Variants in TCP11L2 observed in about 807,000 individuals in gnomAD.
The protein encoded by TCP11L2 is T-complex protein 11-like protein 2.
A neutral mutation model predicts 50.7 loss-of-function variants in TCP11L2; 39 were observed. The observed-to-expected ratio is 0.77, with a 90% CI of 0.60 to 1.01. TCP11L2 has a LOEUF of 1.01. TCP11L2 is among the 50% of genes least tolerant of loss of function. TCP11L2 has a pLI of 0.00. For missense variants in TCP11L2, 612 were observed against 614.7 expected, an observed-to-expected ratio of 1.00 and a Z score of 0.05; for synonymous variants, 192 against 219.3, an observed-to-expected ratio of 0.88 and a Z score of 1.10.
At chr12:106,307,732 A>G (rs2034688267) in intron 1 of TCP11L2, among the ~76,000 whole-genome samples, 1 of 152,218 alleles carries the variant, frequency 6.6e-6, no homozygotes, top group African/African-American at 2.4e-5. Flanking sequence ...GTTAACTACC[A>G]GCCTTGTTTG....
At chr12:106,306,876 G>A (rs779477066) in intron 1 of TCP11L2, among the ~76,000 whole-genome samples, 1 of 152,208 alleles carries the variant, frequency 6.6e-6, no homozygotes, top group Non-Finnish European at 1.5e-5. Flanking sequence ...CCTAGCTCCA[G>A]AGGCAATGTT....
chr12:106,328,596 G>A lies in TCP11L2; in HGVS notation c.772+4950G>A, dbSNP rs149235523. 2.5e-3 allele frequency among the ~76,000 whole-genome samples: 385 copies of A among 152,214 alleles called. 4 individuals are homozygous for A. The highest frequency in any genetic ancestry group is 8.8e-3 in the African/African-American group (366 of 41,550). On this transcript the variant is annotated intron_variant, in intron 6 of 9. Coordinates refer to ENST00000299045, the MANE Select transcript of TCP11L2 (RefSeq NM_152772.3). Reference sequence around the variant, plus strand: ...CAGTGGAGCTAGGACTGGAAACCAGGTCTCCCAAATCCAAGTCCAGATTAA... The same window carrying A: ...CAGTGGAGCTAGGACTGGAAACCAGATCTCCCAAATCCAAGTCCAGATTAA...
At chr12:106,340,193 T>C (rs2036050047) in intron 8 of TCP11L2, among the ~76,000 whole-genome samples, 2 of 152,208 alleles carry the variant, frequency 1.3e-5, no homozygotes, top group South Asian at 4.1e-4. Context: ...ACCCAACAAA[T>C]GCCTTTTCTA....
At chr12:106,312,227 CATTG>C in intron 2 of TCP11L2, 1 of 405,476 alleles carries the variant, frequency 2.5e-6, no homozygotes, top group East Asian at 7.3e-5. Flanking sequence ...TAAAATTAAC[CATTG>C]ATTAATCACT....
chr12:106,298,003 G>C (rs2034374417), upstream of TCP11L2, among the ~76,000 whole-genome samples: 3 of 152,228 alleles, frequency 2.0e-5, no homozygotes, highest in Admixed American at 1.3e-4. Flanking sequence ...GTGGGGTGTA[G>C]GGAGCACTAA....
At chr12:106,319,059 C>G (rs1423505616) in intron 4 of TCP11L2, among the ~76,000 whole-genome samples, 3 of 152,084 alleles carry the variant, frequency 2.0e-5, no homozygotes, top group Non-Finnish European at 2.9e-5. Flanking sequence ...CTACAGGCGC[C>G]CGCCACCGCG....
intron 6 of TCP11L2, among the ~76,000 whole-genome samples, chr12:106,326,526 A>T (rs1173792479): frequency 6.6e-6 from 1 of 152,204 alleles, no homozygotes; most frequent in Non-Finnish European, 1.5e-5. Context: ...AACATTTTGT[A>T]TGAGCACTTA....
rs566084964 is a variant in TCP11L2, at chr12:106,311,024, T to A, written c.-35-17T>A. On this transcript the variant is annotated splice_polypyrimidine_tract_variant and intron_variant, in intron 1 of 9. Transcript: ENST00000299045. ...AGTACCACAGAACATTGACGCAGGGTCTGTTTGTCTGTGCAGGTGCTACCT... is the reference window on the plus strand; with the variant it reads ...AGTACCACAGAACATTGACGCAGGGACTGTTTGTCTGTGCAGGTGCTACCT... 12 of 1,590,282 alleles carry A rather than the reference T, an allele frequency of 7.5e-6. No homozygotes were observed. In the East Asian group the frequency reaches 2.5e-4, roughly 33 times the overall value.
intron 8 of TCP11L2, among the ~76,000 whole-genome samples, chr12:106,337,558 C>T (rs1217302807): frequency 6.6e-6 from 1 of 152,166 alleles, no homozygotes; most frequent in Non-Finnish European, 1.5e-5. Context: ...TTAGGGAATA[C>T]CCAGTGCTGC....
chr12:106,306,557 C>G (rs1025281612), intron 1 of TCP11L2, among the ~76,000 whole-genome samples: 1 of 152,144 alleles, frequency 6.6e-6, no homozygotes, highest in African/African-American at 2.4e-5. Context: ...ATAGGATCCA[C>G]TCTAGGATCA....
At chr12:106,313,887 T>G in intron 2 of TCP11L2, among the ~76,000 whole-genome samples, 1 of 150,978 alleles carries the variant, frequency 6.6e-6, no homozygotes, top group Admixed American at 6.6e-5. Context: ...TGCCTCAGCC[T>G]TCCGAGTAGC....
At chr12:106,318,838 G>T (rs1201571366) in intron 4 of TCP11L2, among the ~76,000 whole-genome samples, 1 of 152,042 alleles carries the variant, frequency 6.6e-6, no homozygotes, top group South Asian at 2.1e-4. Flanking sequence ...AGCCTCCCAA[G>T]TATCTGGGAC....
rs776599297 is a variant in TCP11L2, at chr12:106,312,256, CA to C, written c.157+1025del. On this transcript the variant is annotated intron_variant, in intron 2 of 9. Coordinates refer to ENST00000299045, the MANE Select transcript of TCP11L2 (RefSeq NM_152772.3). ...GATTAATCACTGGACATTTAGTTTCCATTTTTTTTTTTTTTTTTTTTTGCTG... is the reference window on the plus strand; with the variant it reads ...GATTAATCACTGGACATTTAGTTTCCTTTTTTTTTTTTTTTTTTTTTGCTG... 4.1e-3 allele frequency: 1,293 copies of C among 313,808 alleles called. 7 individuals carry two copies. The highest frequency in any genetic ancestry group is 4.7e-3 in the Non-Finnish European group (819 of 175,236). The allele number at this position is 313,808 out of a possible 1,614,324, so 19.4% of individuals were successfully genotyped here.
intron 5 of TCP11L2, among the ~76,000 whole-genome samples, chr12:106,323,116 CTA>C (rs2035401123): frequency 6.6e-6 from 1 of 152,188 alleles, no homozygotes; most frequent in African/African-American, 2.4e-5. Flanking sequence ...ATGAGGCTGC[CTA>C]ACTCTAAAAG....
chr12:106,346,555 A>AT lies in TCP11L2; in HGVS notation c.*27dup. ...AAGAAGAACTGACATTGGACGAGAG[A>AT]TTGGAAATCCAGTACTTTGGTATCC... On this transcript the variant is annotated 3_prime_UTR_variant, in exon 10 of 10. Coordinates refer to ENST00000299045, the MANE Select transcript of TCP11L2 (RefSeq NM_152772.3). 1 of 1,597,544 alleles carries AT rather than the reference A, an allele frequency of 6.3e-7. No individual in the cohort carries two copies. Among genetic ancestry groups the AT allele is most frequent in the Non-Finnish European group, 8.5e-7 (1 of 1,172,980 alleles).
At chr12:106,323,314 C>G (rs1287249925) in intron 5 of TCP11L2, among the ~76,000 whole-genome samples, 196 bp from the exon 6 acceptor site, 1 of 152,072 alleles carries the variant, frequency 6.6e-6, no homozygotes, top group Non-Finnish European at 1.5e-5. Context: ...AGTAATTACT[C>G]TTGAGATCTG....
At chr12:106,322,838 A>G (rs1199753128) in intron 5 of TCP11L2, among the ~76,000 whole-genome samples, 1 of 152,178 alleles carries the variant, frequency 6.6e-6, no homozygotes, top group Non-Finnish European at 1.5e-5. Flanking sequence ...GCAGATTGTG[A>G]TTCCTCAGTT....
intron 8 of TCP11L2, among the ~76,000 whole-genome samples, chr12:106,338,442 T>G (rs1358300720): frequency 6.6e-6 from 1 of 152,238 alleles, no homozygotes; most frequent in African/African-American, 2.4e-5. Context: ...TGAATTAATT[T>G]GCTTAGGATA....
At chr12:106,344,711 CCTT>C (rs1367627382) in intron 9 of TCP11L2, among the ~76,000 whole-genome samples, 2 of 152,148 alleles carry the variant, frequency 1.3e-5, no homozygotes, top group Non-Finnish European at 2.9e-5. Context: ...CCTTAGTAAA[CCTT>C]CTTATTGGTG....
Sources: allele counts gnomAD v4.1 joint callset (sites outside exome capture counted in the v4.1 genomes callset), GRCh38; gene constraint gnomAD v4.1.1; transcripts MANE v1.5; gene names NCBI Gene and HGNC (gene_info 2026-07-23, HGNC 2026-07-21).